Variants in NPHP1 observed in about 807,000 individuals in gnomAD.
NPHP1 encodes nephrocystin-1.
In NPHP1, 70 loss-of-function variants were observed where a neutral mutation model predicts 90.4. The observed-to-expected ratio is 0.77, with a 90% CI of 0.64 to 0.95. The LOEUF is 0.95. Among genes scored for constraint, NPHP1 ranks in the 40% least tolerant of loss-of-function variants. NPHP1 has a pLI of 0.00. For synonymous variants in NPHP1, 256 were observed against 271.7 expected, an observed-to-expected ratio of 0.94 and a Z score of 0.57; for missense variants, 764 against 795.9, an observed-to-expected ratio of 0.96 and a Z score of 0.48.
intron 6 of NPHP1, 61 bp downstream of exon 6, chr2:110,168,391 G>A (rs1329003622): frequency 3.9e-6 from 4 of 1,027,320 alleles, no homozygotes; most frequent in Non-Finnish European, 6.1e-6. Flanking sequence ...ACAGCTAAAT[G>A]TTTTATTAAA....
intron 10 of NPHP1, among the ~76,000 whole-genome samples, chr2:110,160,622 A>G (rs569343837): frequency 1.3e-5 from 2 of 152,302 alleles, no homozygotes; most frequent in Admixed American, 6.5e-5. Context: ...CATAAAACCA[A>G]TGCCACCTGG....
In NPHP1 at chr2:110,132,255, T is replaced by C. The variant is rs1476475797; in HGVS notation, c.1530-464A>G. 5.3e-5 allele frequency among the ~76,000 whole-genome samples: 8 copies of C among 152,200 alleles called. No individual in the cohort carries two copies. The East Asian group carries it at 1.2e-3, about 22-fold the overall frequency. ...TCCTGACTTTGTCACTTCTTAGCTATGTGACTTTAAATTAATTAATTCATC... is the reference window on the plus strand; with the variant it reads ...TCCTGACTTTGTCACTTCTTAGCTACGTGACTTTAAATTAATTAATTCATC... On this transcript the variant is annotated intron_variant, in intron 16 of 19. Coordinates refer to ENST00000445609, the MANE Select transcript of NPHP1 (RefSeq NM_001128178.3).
Position 110,165,068 on chromosome 2 carries a change from C to A in NPHP1, c.712G>T (p.Ala238Ser), listed in dbSNP as rs201661196. The A allele has an allele frequency of 1.9e-6, 3 of 1,613,056 alleles. No homozygotes were observed. The East Asian group carries it at 6.7e-5, about 36-fold the overall frequency. ...CTTTTGTACCTTTGCTTAACTTCTG[C>A]TCCATCTGCTGTTTCATCCACCGCC... ...VEAVDETADG[A>S]EVKQRTDPHW... Residue 238 changes from alanine to serine, a missense_variant, in exon 7 of 20, where the codon GCA (alanine) becomes TCA (serine). Coordinates refer to ENST00000445609, the MANE Select transcript of NPHP1 (RefSeq NM_001128178.3).
intron 2 of NPHP1, among the ~76,000 whole-genome samples, chr2:110,197,716 C>G (rs752016888): frequency 6.6e-6 from 1 of 152,024 alleles, no homozygotes; most frequent in African/African-American, 2.4e-5. Flanking sequence ...ATATCACAAG[C>G]CATGAATCCA....
intron 16 of NPHP1, among the ~76,000 whole-genome samples, chr2:110,135,812 C>T (rs1680143628): frequency 6.6e-6 from 1 of 151,972 alleles, no homozygotes; most frequent in Non-Finnish European, 1.5e-5. Context: ...ATCTTAATTC[C>T]TAAGATTAGA....
chr2:110,163,424 C>G, intron 8 of NPHP1: 1 of 409,100 alleles, frequency 2.4e-6, no homozygotes, highest in Non-Finnish European at 4.5e-6. Context: ...TGTCCTGCTC[C>G]ACCCTGCGCT....
At chr2:110,198,101 A>G (rs560092455) in intron 2 of NPHP1, among the ~76,000 whole-genome samples, 1 of 152,212 alleles carries the variant, frequency 6.6e-6, no homozygotes, top group Non-Finnish European at 1.5e-5. Flanking sequence ...AAGGACAACT[A>G]GCCAGCAAGA....
intron 18 of NPHP1, 100 bp from the exon 19 acceptor site, chr2:110,125,781 A>G: frequency 1.0e-6 from 1 of 961,102 alleles, no homozygotes; most frequent in Non-Finnish European, 1.7e-6. Context: ...GACAGGGTTA[A>G]AAATGCTGTA....
chr2:110,190,545 G>A (rs915105524), intron 2 of NPHP1, among the ~76,000 whole-genome samples: 2 of 152,308 alleles, frequency 1.3e-5, no homozygotes, highest in Non-Finnish European at 1.5e-5. Flanking sequence ...CAAGCACCGT[G>A]TGCAGGCCCG....
rs558167850 is a variant in NPHP1 at position 110,184,599 on chromosome 2, C to T, written c.144-4915G>A. 2.0e-3 allele frequency: 2,370 copies of T among 1,169,552 alleles called. 31 individuals carry two copies. Among genetic ancestry groups the T allele is most frequent in the South Asian group, 0.016 (1,235 of 79,278 alleles). The allele number at this position is 1,169,552 out of a possible 1,614,324, so 72.4% of individuals were successfully genotyped here. A position where few individuals can be genotyped will look rare whatever the true frequency, so the allele number is the denominator to read the frequency against. Reference sequence around the variant, plus strand: ...CTTTGCCATGCCCCACTCCATCATGCGAATTGACATCGCAAGCTGGAACAT... The same window carrying T: ...CTTTGCCATGCCCCACTCCATCATGTGAATTGACATCGCAAGCTGGAACAT... On this transcript the variant is annotated intron_variant, in intron 2 of 19. Coordinates refer to ENST00000445609, the MANE Select transcript of NPHP1 (RefSeq NM_001128178.3).
intron 19 of NPHP1, chr2:110,125,391 C>T: frequency 1.4e-6 from 2 of 1,422,980 alleles, no homozygotes; most frequent in Non-Finnish European, 9.4e-7. Context: ...TAGAAACTTC[C>T]CCTTTATTTA....
chr2:110,153,980 T>C (rs1574104922), intron 11 of NPHP1, among the ~76,000 whole-genome samples: 1 of 131,900 alleles, frequency 7.6e-6, no homozygotes, highest in Non-Finnish European at 1.7e-5. Flanking sequence ...CAAAACTCCA[T>C]CTCAAAAAAA....
At chr2:110,180,461 T>G (rs1683809686) in intron 2 of NPHP1, among the ~76,000 whole-genome samples, 1 of 148,104 alleles carries the variant, frequency 6.8e-6, no homozygotes, top group African/African-American at 2.5e-5. Flanking sequence ...TTTTTTTTTT[T>G]TTTTTTTTTT....
Position 110,203,471 on chromosome 2 carries a change from TAA to T in NPHP1, c.69+1427_69+1428del, listed in dbSNP as rs1274363223. On this transcript the variant is annotated intron_variant, in intron 1 of 19. Coordinates refer to ENST00000445609, the MANE Select transcript of NPHP1 (RefSeq NM_001128178.3). ...TATTAAGATCCACCGAAGTTCAGCATAAGTCAATGCCCCATCAAGTTTTATTT... is the reference window on the plus strand; with the variant it reads ...TATTAAGATCCACCGAAGTTCAGCATGTCAATGCCCCATCAAGTTTTATTT... Among the ~76,000 whole-genome samples, 10 of 152,170 alleles carry T rather than the reference TAA, an allele frequency of 6.6e-5. No homozygotes were observed. In the East Asian group the frequency reaches 1.9e-3, roughly 29 times the overall value.
chr2:110,173,667 A>G (rs945442169), intron 4 of NPHP1, among the ~76,000 whole-genome samples: 4 of 152,202 alleles, frequency 2.6e-5, no homozygotes, highest in Non-Finnish European at 5.9e-5. Context: ...ATGCTATACT[A>G]TAACTATATA....
intron 2 of NPHP1, among the ~76,000 whole-genome samples, chr2:110,190,305 C>T (rs866881189): frequency 2.0e-5 from 3 of 152,146 alleles, no homozygotes; most frequent in Non-Finnish European, 4.4e-5. Flanking sequence ...CAGGGAGGCT[C>T]GGGCCGCACA....
chr2:110,188,790 G>C (rs1209228287), intron 2 of NPHP1, among the ~76,000 whole-genome samples: 1 of 151,586 alleles, frequency 6.6e-6, no homozygotes. Context: ...ACTGGTAAAA[G>C]AACAGACACA....
chr2:110,123,878 C>T lies in NPHP1; in HGVS notation c.1947G>A (p.Leu649=), dbSNP rs768826120. 1 of 1,614,088 alleles carries T rather than the reference C, an allele frequency of 6.2e-7. No homozygotes were observed. The highest frequency in any genetic ancestry group is 1.1e-5 in the South Asian group (1 of 91,078). ...GTTCATGAACTCCGTCTGGTGACAG[C>T]AGAGCTTGGAGGGCGCCCTGGTTTT... ...NQENQGALQA[L]LSPDGVHEPF... The change falls in exon 20 of 20, where the codon CTG becomes CTA. Residue 649 remains leucine, a synonymous_variant. Coordinates refer to ENST00000445609, the MANE Select transcript of NPHP1 (RefSeq NM_001128178.3).
chr2:110,170,795 G>A (rs1211382151), intron 4 of NPHP1, among the ~76,000 whole-genome samples: 3 of 152,116 alleles, frequency 2.0e-5, no homozygotes, highest in East Asian at 3.9e-4. Context: ...GAGATGATAT[G>A]GAATTAATCA....
Sources: gnomAD v4.1 joint callset for allele counts (sites outside exome capture counted in the v4.1 genomes callset) on GRCh38, gnomAD v4.1.1 for gene constraint, MANE v1.5 for transcripts, NCBI Gene and HGNC (gene_info 2026-07-23, HGNC 2026-07-21) for gene names.